The following CCL28 variants were observed in gnomAD, a reference collection of about 807,000 sequenced individuals.
CCL28 encodes C-C motif chemokine ligand 28.
A neutral mutation model predicts 7.1 loss-of-function variants in CCL28; 4 were observed. The ratio of observed to expected loss-of-function variants is 0.56; its 90% confidence interval spans 0.28 to 1.29. The LOEUF (loss-of-function observed/expected upper bound fraction) is 1.29. Ranked by LOEUF, CCL28 falls within the 50% of genes most tolerant of loss-of-function variation. The pLI is 0.11. For synonymous variants in CCL28, 55 were observed against 57.8 expected (o/e 0.95, Z 0.22); for missense variants, 151 against 163.4 (o/e 0.92, Z 0.41).
Position 43,395,200 on chromosome 5 carries a change from AAT to A in CCL28, c.65-6726_65-6725del, listed in dbSNP as rs1056163271. Among the ~76,000 whole-genome samples, 9 of 148,338 alleles carry A rather than the reference AAT, an allele frequency of 6.1e-5. No homozygotes were observed. The East Asian group carries it at 7.8e-4, about 13-fold the overall frequency. ...TTGTTATTGGCTTACTTGTATATAT[AAT>A]ATATATATATTTACATATATATTTA... On this transcript the variant is annotated intron_variant, in intron 1 of 2. Transcript: ENST00000361115.
intron 1 of CCL28, among the ~76,000 whole-genome samples, chr5:43,390,314 C>G (rs1740523383): frequency 1.3e-5 from 2 of 152,254 alleles, no homozygotes; most frequent in Non-Finnish European, 1.5e-5. Flanking sequence ...AGGGGTTCCC[C>G]TGAAGAGAAA....
chr5:43,402,630 A>T (rs369211330), intron 1 of CCL28, among the ~76,000 whole-genome samples: 1 of 152,302 alleles, frequency 6.6e-6, no homozygotes, highest in Non-Finnish European at 1.5e-5. Context: ...CTGCATTTCC[A>T]ACTGAGGTAC....
intron 1 of CCL28, among the ~76,000 whole-genome samples, chr5:43,394,716 C>T (rs1174663676): frequency 1.3e-5 from 2 of 151,978 alleles, no homozygotes; most frequent in South Asian, 4.1e-4. Flanking sequence ...ACAGGTAAAT[C>T]GTCATTTTCA....
At chr5:43,391,881 A>G (rs1740586852) in intron 1 of CCL28, among the ~76,000 whole-genome samples, 2 of 152,174 alleles carry the variant, frequency 1.3e-5, no homozygotes, top group Non-Finnish European at 2.9e-5. Flanking sequence ...CAAAGGGCCA[A>G]GAAATAAATA....
chr5:43,410,162 C>G (rs141970996), intron 1 of CCL28, among the ~76,000 whole-genome samples: 26 of 152,340 alleles, frequency 1.7e-4, no homozygotes, highest in Admixed American at 4.6e-4. Context: ...CTCTTCTCTG[C>G]ACTGTTGAGT....
chr5:43,370,802 C>T, the CCL28 span, among the ~76,000 whole-genome samples: 2 of 147,768 alleles, frequency 1.4e-5, no homozygotes, highest in South Asian at 2.1e-4. Flanking sequence ...AGTGCAGTGG[C>T]GTGACCTCGG....
intron 1 of CCL28, among the ~76,000 whole-genome samples, chr5:43,404,437 C>T (rs6865488): frequency 0.029 from 4,395 of 152,170 alleles, 208 homozygotes; most frequent in African/African-American, 0.099. Context: ...GAAATAAACC[C>T]CTTTACAGAC....
chr5:43,398,288 A>G (rs1740898607), intron 1 of CCL28, among the ~76,000 whole-genome samples: 1 of 152,184 alleles, frequency 6.6e-6, no homozygotes, highest in African/African-American at 2.4e-5. Flanking sequence ...CAGTAGTACA[A>G]ACACAGCTAA....
At position 43,409,984 on chromosome 5, in the gene CCL28, C is replaced by T. The variant is rs542997102; in HGVS notation, c.64+2269G>A. 2.0e-5 allele frequency among the ~76,000 whole-genome samples: 3 copies of T among 152,282 alleles called. No homozygotes were observed. In the East Asian group the frequency reaches 5.8e-4, roughly 29 times the overall value. On this transcript the variant is annotated intron_variant, in intron 1 of 2. Coordinates refer to ENST00000361115, the MANE Select transcript of CCL28 (RefSeq NM_148672.3). ...AAAGTCACCTGCTTCCTGATTTATG[C>T]AAAACACTTAGGGAATGCCAGTTAT... is the stretch of plus-strand genomic sequence containing the variant.
At chr5:43,383,672 C>T (rs533958650) in intron 2 of CCL28, among the ~76,000 whole-genome samples, 3 of 151,992 alleles carry the variant, frequency 2.0e-5, no homozygotes, top group African/African-American at 7.2e-5. Context: ...GCGTAGGAAA[C>T]AAAAACAAAC....
chr5:43,378,805 C>CA (rs1223706842), downstream of CCL28, among the ~76,000 whole-genome samples: 12 of 151,824 alleles, frequency 7.9e-5, no homozygotes, highest in South Asian at 1.2e-3. Context: ...TACTAAAATA[C>CA]AAAAAAATAG....
intron 1 of CCL28, among the ~76,000 whole-genome samples, chr5:43,395,380 T>C (rs1187737182): frequency 1.3e-5 from 2 of 152,088 alleles, no homozygotes; most frequent in African/African-American, 4.8e-5. Flanking sequence ...TGCAAAGTAA[T>C]AGTTTAAAAG....
chr5:43,367,526 C>A, the CCL28 span, among the ~76,000 whole-genome samples: 16 of 152,330 alleles, frequency 1.1e-4, no homozygotes, highest in Non-Finnish European at 4.4e-5. Flanking sequence ...TGAGGGGATG[C>A]CCCACCCTGC....
At chr5:43,401,930 C>T (rs950355508) in intron 1 of CCL28, among the ~76,000 whole-genome samples, 5 of 152,150 alleles carry the variant, frequency 3.3e-5, no homozygotes, top group Non-Finnish European at 7.3e-5. Flanking sequence ...TTCCTGGCTC[C>T]AGGGTTCTCT....
chr5:43,390,199 C>G (rs987282394), intron 1 of CCL28, among the ~76,000 whole-genome samples: 2 of 152,088 alleles, frequency 1.3e-5, no homozygotes, highest in Admixed American at 1.3e-4. Context: ...TCGGGGAGGC[C>G]AAAACCTGTT....
chr5:43,402,558 C>A (rs539603002), intron 1 of CCL28, among the ~76,000 whole-genome samples: 3 of 152,142 alleles, frequency 2.0e-5, no homozygotes, highest in Non-Finnish European at 2.9e-5. Context: ...TCCAAGATGG[C>A]CGAATAGGAA....
At chr5:43,389,105 G>C (rs1272929703) in intron 1 of CCL28, among the ~76,000 whole-genome samples, 2 of 152,172 alleles carry the variant, frequency 1.3e-5, no homozygotes, top group African/African-American at 2.4e-5. Context: ...TGGTTGCCAG[G>C]GGCTGGGGGG....
At chr5:43,370,914 G>C in the CCL28 span, among the ~76,000 whole-genome samples, 1 of 151,870 alleles carries the variant, frequency 6.6e-6, no homozygotes, top group Admixed American at 6.6e-5. Context: ...GCTAATTTTT[G>C]TATTTTTAGT....
chr5:43,395,924 T>G (rs916691197), intron 1 of CCL28, among the ~76,000 whole-genome samples: 1 of 139,934 alleles, frequency 7.1e-6, no homozygotes, highest in African/African-American at 2.7e-5. Flanking sequence ...CAGACTGGAG[T>G]GCAGTGGCGA....
Sources: allele counts gnomAD v4.1 joint callset (sites outside exome capture counted in the v4.1 genomes callset), GRCh38; gene constraint gnomAD v4.1.1; transcripts MANE v1.5; gene names NCBI Gene and HGNC (gene_info 2026-07-23, HGNC 2026-07-21).